TPO: variants seen among roughly 807,000 people sequenced by gnomAD.
The protein encoded by TPO is thyroid microsomal antigen.
In TPO, 78 loss-of-function variants were observed where a neutral mutation model predicts 96.9. That is an observed-to-expected ratio of 0.81 (90% CI 0.67 to 0.97). The LOEUF (loss-of-function observed/expected upper bound fraction) is 0.97, where lower values mean the gene tolerates loss of function less well. Ranked by LOEUF, TPO falls within the 50% of genes least tolerant of loss-of-function variation. The pLI, the probability that TPO is intolerant of heterozygous loss-of-function variation, is 0.00. For synonymous variants in TPO, 547 were observed against 538.0 expected (o/e 1.02, Z -0.23); for missense variants, 1,252 against 1,274.8 (o/e 0.98, Z 0.27).
At chr2:1,485,190 T>A (rs942187031) in intron 9 of TPO, among the ~76,000 whole-genome samples, 2 of 152,130 alleles carry the variant, frequency 1.3e-5, no homozygotes, top group African/African-American at 4.8e-5. Flanking sequence ...TTGCTCAGAA[T>A]GATGGTTTCC....
chr2:1,374,563 T>C (rs111760230), intron 1 of TPO, among the ~76,000 whole-genome samples: 3 of 152,210 alleles, frequency 2.0e-5, no homozygotes, highest in African/African-American at 7.2e-5. Flanking sequence ...ATTTCTTCTT[T>C]CCAGGACAAG....
intron 10 of TPO, among the ~76,000 whole-genome samples, chr2:1,493,203 A>AG (rs1671945567): frequency 2.0e-4 from 1 of 5,096 alleles, no homozygotes; most frequent in African/African-American, 5.2e-4. Context: ...TGTGTGTGTG[A>AG]GTGGGTGGGG....
At chr2:1,532,585 C>G (rs1386094527) in intron 15 of TPO, among the ~76,000 whole-genome samples, 1 of 110,894 alleles carries the variant, frequency 9.0e-6, no homozygotes, top group Admixed American at 9.1e-5. Flanking sequence ...TGCGACCTCC[C>G]CAAATCCCCC....
intron 13 of TPO, among the ~76,000 whole-genome samples, chr2:1,501,249 C>T (rs1040802395): frequency 2.0e-4 from 31 of 152,342 alleles, no homozygotes; most frequent in African/African-American, 7.0e-4. Context: ...ACTCACTGCG[C>T]GTGGAGATGT....
chr2:1,529,281 C>T lies in TPO; in HGVS notation c.2619-11313C>T, dbSNP rs370358821. On this transcript the variant is annotated intron_variant, in intron 15 of 16. Coordinates refer to ENST00000329066, the MANE Select transcript of TPO (RefSeq NM_001206744.2). ...TCTGTGCAACCTCCTCAAATCCCCCCACTGTGTGCAACCTCCCCAAATCCC... is the reference window on the plus strand; with the variant it reads ...TCTGTGCAACCTCCTCAAATCCCCCTACTGTGTGCAACCTCCCCAAATCCC... 4.6e-5 allele frequency among the ~76,000 whole-genome samples: 5 copies of T among 108,784 alleles called. No individual in the cohort carries two copies. The East Asian group carries it at 9.2e-4, about 20-fold the overall frequency. The allele number at this position is 108,784 out of a possible 152,430, so 71.4% of individuals were successfully genotyped here. A position where few individuals can be genotyped will look rare whatever the true frequency, so the allele number is the denominator to read the frequency against.
At chr2:1,437,835 T>G (rs1665737319) in intron 5 of TPO, among the ~76,000 whole-genome samples, 1 of 103,076 alleles carries the variant, frequency 9.7e-6, no homozygotes, top group Non-Finnish European at 2.6e-5. Context: ...CCCTGAAGCC[T>G]GGGGGGGGGT....
intron 5 of TPO, among the ~76,000 whole-genome samples, chr2:1,437,444 G>A (rs1665690195): frequency 1.9e-5 from 2 of 105,160 alleles, no homozygotes; most frequent in Admixed American, 1.8e-4. Flanking sequence ...TCAGAAGGAA[G>A]ATGCCCCCCC....
In TPO at chr2:1,385,441, A is replaced by C. The variant is rs114252968; in HGVS notation, n.180+11039A>C. The stretch of plus-strand genomic sequence containing the variant: ...CTTCATCCTGGTTTAGTCTTGGGAG[A>C]ATGTGTGTGTCGAGTAATTTATCAA... On this transcript the variant is annotated intron_variant and non_coding_transcript_variant, in intron 1 of 5. Transcript: ENST00000497517. Among the ~76,000 whole-genome samples the C allele has an allele frequency of 8.6e-3, 1,302 of 151,740 alleles. 17 individuals carry two copies. Among genetic ancestry groups the C allele is most frequent in the African/African-American group, 0.029 (1,203 of 41,422 alleles).
chr2:1,503,792 G>A lies in TPO; in HGVS notation c.2387-156G>A, dbSNP rs565807547. On this transcript the variant is annotated intron_variant, in intron 13 of 16. Transcript: ENST00000329066. The stretch of plus-strand genomic sequence containing the variant: ...TCCTCATCACCTTTTCGGATGTGCC[G>A]GGAGCAGGGGGCGGCCGGTTCCCCC... The A allele has an allele frequency of 3.5e-5, 48 of 1,381,154 alleles. 1 individual carries two copies. Among genetic ancestry groups the A allele is most frequent in the Middle Eastern group, 3.6e-4 (2 of 5,618 alleles). The allele number at this position is 1,381,154 out of a possible 1,614,324, so 85.6% of individuals were successfully genotyped here.
At chr2:1,476,410 G>C (rs1669939222) in intron 7 of TPO, among the ~76,000 whole-genome samples, 1 of 152,192 alleles carries the variant, frequency 6.6e-6, no homozygotes, top group African/African-American at 2.4e-5. Context: ...AAATATTTTA[G>C]ATCTCCATGT....
At chr2:1,467,392 C>T (rs1175738906) in intron 7 of TPO, among the ~76,000 whole-genome samples, 1 of 152,198 alleles carries the variant, frequency 6.6e-6, no homozygotes, top group Non-Finnish European at 1.5e-5. Context: ...GCATGAGCCA[C>T]TGTGCCTGGC....
chr2:1,496,341 G>A lies in TPO; in HGVS notation c.2215+144G>A, dbSNP rs868197947. ...GCCTTACACCCTCAGGGCAGCTCCT[G>A]GGGCGGGGCGGGGCGGGGCGGGGCC... On this transcript the variant is annotated intron_variant, in intron 12 of 16. Transcript: ENST00000329066. 40 of 912,772 alleles carry A rather than the reference G, an allele frequency of 4.4e-5. No individual in the cohort carries two copies. The Middle Eastern group carries it at 1.6e-3, about 36-fold the overall frequency. 56.5% of individuals were successfully genotyped at this position (912,772 alleles called of 1,614,324 possible).
upstream of TPO, among the ~76,000 whole-genome samples, chr2:1,412,100 A>C (rs943418811): frequency 2.7e-4 from 41 of 152,200 alleles, no homozygotes; most frequent in Non-Finnish European, 7.3e-5. Context: ...CTGAAAGTAC[A>C]TTTCCAAATG....
intron 16 of TPO, chr2:1,542,108 T>G (rs2280129): frequency 0.038 from 18,637 of 490,382 alleles, 1,073 homozygotes; most frequent in African/African-American, 0.15. Context: ...GGCGTTCTGT[T>G]CATCTGTGGT....
Position 1,493,855 on chromosome 2 carries a change from G to T in TPO, c.1822G>T (p.Asp608Tyr). The change falls in exon 11 of 17, where the codon GAC (aspartate) becomes TAC (tyrosine). Residue 608 changes from aspartate to tyrosine, a missense_variant. Coordinates refer to ENST00000329066, the MANE Select transcript of TPO (RefSeq NM_001206744.2). ...CCTGCCTCGCCTGGAGACCCCCGCT[G>T]ACCTGAGCACAGCCATCGCCAGCAG... ...CGLPRLETPA[D>Y]LSTAIASRSV... The T allele has an allele frequency of 6.2e-7, 1 of 1,614,162 alleles. No homozygotes were observed. The highest frequency in any genetic ancestry group is 8.5e-7 in the Non-Finnish European group (1 of 1,180,028).
intron 7 of TPO, among the ~76,000 whole-genome samples, chr2:1,470,623 G>C (rs1446293671): frequency 6.6e-6 from 1 of 151,460 alleles, no homozygotes; most frequent in Non-Finnish European, 1.5e-5. Context: ...ACTCTATTTT[G>C]TGTAGATAAA....
At position 1,493,910 on chromosome 2, in the gene TPO, A is replaced by T. The variant is rs551830946; in HGVS notation, c.1877A>T (p.Tyr626Phe). 6.2e-7 allele frequency: 1 copy of T among 1,614,202 alleles called. No individual in the cohort carries two copies. Among genetic ancestry groups the T allele is most frequent in the African/African-American group, 1.3e-5 (1 of 75,064 alleles). ...RSVADKILDL[Y>F]KHPDNIDVWL... Reference sequence around the variant, plus strand: ...GTGGCCGACAAGATCCTGGACTTGTACAAGCATCCTGACAACATCGATGTC... The same window carrying T: ...GTGGCCGACAAGATCCTGGACTTGTTCAAGCATCCTGACAACATCGATGTC... The change falls in exon 11 of 17, where the codon TAC becomes TTC. Residue 626 changes from tyrosine to phenylalanine, a missense_variant. Transcript: ENST00000329066.
chr2:1,381,020 A>G (rs1661801936), intron 1 of TPO, among the ~76,000 whole-genome samples: 4 of 152,198 alleles, frequency 2.6e-5, no homozygotes, highest in Admixed American at 6.5e-5. Context: ...ACATGTGCTG[A>G]ACGTGCAGGT....
intron 7 of TPO, among the ~76,000 whole-genome samples, chr2:1,467,541 T>C (rs932596432): frequency 1.5e-4 from 23 of 152,352 alleles, no homozygotes; most frequent in Admixed American, 2.0e-4. Flanking sequence ...TTCACTGTGG[T>C]CTGAGAGAGT....
Sources: allele counts gnomAD v4.1 joint callset (sites outside exome capture counted in the v4.1 genomes callset), GRCh38; gene constraint gnomAD v4.1.1; transcripts MANE v1.5; gene names NCBI Gene and HGNC (gene_info 2026-07-23, HGNC 2026-07-21).